Variants in LRCH3 observed in about 807,000 individuals in gnomAD.
LRCH3 encodes DISP complex protein LRCH3.
Under a neutral mutation model 104.5 loss-of-function variants are expected in LRCH3, and 68 were observed. The ratio of observed to expected loss-of-function variants is 0.65; its 90% CI spans 0.54 to 0.80. The LOEUF (loss-of-function observed/expected upper bound fraction) is 0.80. LRCH3 is among the 30% of genes least tolerant of loss of function. The probability of loss-of-function intolerance (pLI) is 0.00; values close to 1 mark genes in which losing one functional copy is unlikely to be tolerated. For missense variants in LRCH3, 951 were observed against 953.9 expected, an observed-to-expected ratio of 1.00 and a Z score of 0.04; for synonymous variants, 344 against 361.3, an observed-to-expected ratio of 0.95 and a Z score of 0.54.
chr3:197,793,047 A>G (rs1241907975), intron 1 of LRCH3, among the ~76,000 whole-genome samples: 1 of 152,106 alleles, frequency 6.6e-6, no homozygotes, highest in Admixed American at 6.5e-5. Context: ...CCTCGGCCTT[A>G]CAAAAGGTTG....
intron 1 of LRCH3, among the ~76,000 whole-genome samples, chr3:197,792,275 AAAGTTG>A (rs1262670424): frequency 6.6e-6 from 1 of 151,944 alleles, no homozygotes; most frequent in Non-Finnish European, 1.5e-5. Context: ...CCTCCAAAAA[AAAGTTG>A]AAGCAAACTA....
At chr3:197,828,395 G>A (rs1300514703) in intron 5 of LRCH3, among the ~76,000 whole-genome samples, 2 of 151,978 alleles carry the variant, frequency 1.3e-5, no homozygotes, top group African/African-American at 4.8e-5. Flanking sequence ...GCCCAGGCTG[G>A]AGTGCAGTGG....
chr3:197,811,281 A>G (rs1033223138), intron 1 of LRCH3, among the ~76,000 whole-genome samples: 3 of 152,170 alleles, frequency 2.0e-5, no homozygotes, highest in Non-Finnish European at 4.4e-5. Context: ...ATTACTTTTT[A>G]GTTTATTTCA....
intron 20 of LRCH3, chr3:197,881,815 A>G: frequency 1.0e-6 from 1 of 985,436 alleles, no homozygotes; most frequent in African/African-American, 1.7e-5. Context: ...CCGGTTTAGA[A>G]TTCAGCCTGA....
chr3:197,822,781 C>T (rs1734631231), intron 4 of LRCH3: 1 of 150,386 alleles, frequency 6.6e-6, no homozygotes, highest in African/African-American at 2.4e-5. Context: ...TTACATCATT[C>T]AAAAAATATT....
chr3:197,864,736 G>GTC (rs1741281949), intron 15 of LRCH3, among the ~76,000 whole-genome samples: 1 of 144,054 alleles, frequency 6.9e-6, no homozygotes, highest in African/African-American at 2.6e-5. Context: ...TCCAAAGGGG[G>GTC]TCAGGCCAGG....
intron 20 of LRCH3, among the ~76,000 whole-genome samples, chr3:197,876,529 T>C (rs772259224): frequency 6.6e-6 from 1 of 152,214 alleles, no homozygotes; most frequent in Non-Finnish European, 1.5e-5. Flanking sequence ...AAAGCAATTA[T>C]ATTAAACCAA....
intron 12 of LRCH3, chr3:197,852,349 A>C (rs1254881375): frequency 1.3e-5 from 7 of 522,638 alleles, no homozygotes; most frequent in Admixed American, 3.2e-5. Flanking sequence ...GTAAGAGGTC[A>C]ATATTCTGAT....
In LRCH3 at chr3:197,817,233, A is replaced by G; in HGVS notation, c.465A>G (p.Leu155=). ...VHLCNLPLKV[L]IASNNKLVSL... is the part of the protein sequence containing the mutation. The stretch of plus-strand genomic sequence containing the variant: ...TGTGTAATTTGCCATTGAAAGTCTT[A>G]ATTGCTAGTAATAACAAATTGGTGT... Residue 155 remains leucine (L), a synonymous_variant, in exon 3 of 21, where the codon TTA becomes TTG. Transcript: ENST00000425562. 1 of 1,610,608 alleles carries G rather than the reference A, an allele frequency of 6.2e-7. No individual in the cohort carries two copies. Among genetic ancestry groups the G allele is most frequent in the Non-Finnish European group, 8.5e-7 (1 of 1,178,462 alleles).
At chr3:197,793,529 A>G (rs1471740034) in intron 1 of LRCH3, among the ~76,000 whole-genome samples, 3 of 152,212 alleles carry the variant, frequency 2.0e-5, no homozygotes, top group Non-Finnish European at 4.4e-5. Context: ...GAACAAGTTG[A>G]TTACAGGAGT....
intron 20 of LRCH3, among the ~76,000 whole-genome samples, chr3:197,879,481 C>T (rs1300853558): frequency 1.3e-5 from 2 of 150,898 alleles, no homozygotes; most frequent in Admixed American, 6.6e-5. Context: ...CCCGTCTCTA[C>T]TAAAAATACA....
intron 1 of LRCH3, 81 bp from the exon 2 acceptor site, chr3:197,814,827 T>C: frequency 8.3e-7 from 1 of 1,206,240 alleles, no homozygotes; most frequent in South Asian, 1.6e-5. Context: ...TTTTATTTTT[T>C]AGTTTATGTG....
intron 20 of LRCH3, chr3:197,881,321 A>C: frequency 1.0e-6 from 1 of 988,512 alleles, no homozygotes; most frequent in East Asian, 1.1e-4. Context: ...AATTTTAATA[A>C]TTTTAGTTTG....
At chr3:197,867,705 A>T (rs1019575868) in intron 17 of LRCH3, among the ~76,000 whole-genome samples, 1 of 151,622 alleles carries the variant, frequency 6.6e-6, no homozygotes, top group Admixed American at 6.6e-5. Context: ...TACAAAAAAA[A>T]TTAGCCAGGC....
chr3:197,818,988 T>C (rs1345658401), intron 3 of LRCH3, among the ~76,000 whole-genome samples: 3 of 151,962 alleles, frequency 2.0e-5, no homozygotes, highest in Non-Finnish European at 4.4e-5. Context: ...TAGCCAGGCG[T>C]GGTGGCACGC....
intron 9 of LRCH3, among the ~76,000 whole-genome samples, chr3:197,837,512 C>T (rs1245583051): frequency 2.6e-5 from 4 of 152,124 alleles, no homozygotes; most frequent in African/African-American, 9.7e-5. Flanking sequence ...GTTTCACAAC[C>T]AGTGAAGTAT....
intron 8 of LRCH3, among the ~76,000 whole-genome samples, chr3:197,832,540 A>C (rs1367248283): frequency 2.6e-5 from 4 of 152,046 alleles, no homozygotes; most frequent in Non-Finnish European, 5.9e-5. Flanking sequence ...CCTTGTTTTT[A>C]TTTTGGGAGG....
intron 8 of LRCH3, among the ~76,000 whole-genome samples, chr3:197,835,279 G>C (rs1405451446): frequency 2.6e-5 from 4 of 151,968 alleles, no homozygotes; most frequent in African/African-American, 9.7e-5. Flanking sequence ...TGTCTCCCGG[G>C]TTCAAGCAAT....
chr3:197,796,597 C>G (rs1731234526), intron 1 of LRCH3, among the ~76,000 whole-genome samples: 2 of 152,228 alleles, frequency 1.3e-5, no homozygotes, highest in South Asian at 4.1e-4. Flanking sequence ...TTAACATATT[C>G]CAGGTATTGT....
Sources: allele counts gnomAD v4.1 joint callset (sites outside exome capture counted in the v4.1 genomes callset), GRCh38; gene constraint gnomAD v4.1.1; transcripts MANE v1.5; gene names NCBI Gene and HGNC (gene_info 2026-07-23, HGNC 2026-07-21).